The following ADAMTS12 variants were observed in gnomAD, a reference collection of about 807,000 sequenced individuals.
The protein encoded by ADAMTS12 is ADAM metallopeptidase with thrombospondin type 1 motif 12.
In ADAMTS12, 118 loss-of-function variants were observed where a neutral mutation model predicts 167.8. The observed-to-expected ratio is 0.70, with a 90% CI of 0.61 to 0.82. The LOEUF (loss-of-function observed/expected upper bound fraction) is 0.82. Ranked by LOEUF, ADAMTS12 falls within the 40% of genes least tolerant of loss-of-function variation. ADAMTS12 has a pLI of 0.00. For missense variants in ADAMTS12, 1,916 were observed against 1,998.8 expected (o/e 0.96, Z 0.79); for synonymous variants, 704 against 716.9 (o/e 0.98, Z 0.29).
chr5:33,563,871 G>A (rs1745867274), intron 19 of ADAMTS12, among the ~76,000 whole-genome samples: 1 of 152,132 alleles, frequency 6.6e-6, no homozygotes, highest in Non-Finnish European at 1.5e-5. Flanking sequence ...TATCTCCTAA[G>A]TCATATAAGT....
In ADAMTS12 at chr5:33,576,775, G is replaced by GT; in HGVS notation, c.3250dup (p.Thr1084AsnfsTer20). On this transcript the variant is annotated frameshift_variant, in exon 19 of 24. Transcript: ENST00000504830. LOFTEE classifies it high-confidence loss of function. ...GAGGATGGGCTGGGAAGTGCTTCCA[G>GT]TGGAAATGAGATAGCGAGAGCTCAG... The GT allele has an allele frequency of 6.2e-7, 1 of 1,614,222 alleles. No individual in the cohort carries two copies. The highest frequency in any genetic ancestry group is 2.2e-5 in the East Asian group (1 of 44,884).
chr5:33,666,083 G>A (rs1444303971), intron 5 of ADAMTS12, among the ~76,000 whole-genome samples: 1 of 152,198 alleles, frequency 6.6e-6, no homozygotes, highest in East Asian at 1.9e-4. Context: ...GAGCCTCTAA[G>A]CTCAGTCCTG....
At chr5:33,645,144 T>TTTATTATTATTA (rs145012036) in intron 9 of ADAMTS12, among the ~76,000 whole-genome samples, 7 of 146,036 alleles carry the variant, frequency 4.8e-5, no homozygotes, top group Admixed American at 2.1e-4. Flanking sequence ...AAATGCTTTA[T>TTTATTATTATTA]TTATTATTAT....
At chr5:33,867,427 T>G (rs917872544) in intron 2 of ADAMTS12, among the ~76,000 whole-genome samples, 1 of 152,222 alleles carries the variant, frequency 6.6e-6, no homozygotes, top group Non-Finnish European at 1.5e-5. Context: ...CAAAGGCATA[T>G]GGAGTGGTAT....
intron 3 of ADAMTS12, among the ~76,000 whole-genome samples, chr5:33,687,555 C>A (rs1344005473): frequency 6.6e-6 from 1 of 152,188 alleles, no homozygotes; most frequent in African/African-American, 2.4e-5. Context: ...TATGCAAAAA[C>A]CAATCTACTT....
chr5:33,726,069 C>A (rs1743970570), intron 3 of ADAMTS12, among the ~76,000 whole-genome samples: 1 of 152,188 alleles, frequency 6.6e-6, no homozygotes, highest in Non-Finnish European at 1.5e-5. Flanking sequence ...CAGGGCCAGG[C>A]CAAGAATCCA....
At chr5:33,794,830 G>GT (rs960531893) in intron 2 of ADAMTS12, among the ~76,000 whole-genome samples, 1 of 152,182 alleles carries the variant, frequency 6.6e-6, no homozygotes, top group Non-Finnish European at 1.5e-5. Context: ...TAGGAAAGTG[G>GT]TATGATCTCC....
At chr5:33,839,892 C>A (rs1181740860) in intron 2 of ADAMTS12, among the ~76,000 whole-genome samples, 1 of 152,204 alleles carries the variant, frequency 6.6e-6, no homozygotes, top group African/African-American at 2.4e-5. Context: ...GACAGTTCTT[C>A]TGTGTTTTAC....
intron 2 of ADAMTS12, among the ~76,000 whole-genome samples, chr5:33,810,479 C>G (rs717765): frequency 6.6e-6 from 1 of 151,912 alleles, no homozygotes; most frequent in African/African-American, 2.4e-5. Flanking sequence ...CCCCCACATA[C>G]GCTATTTATC....
chr5:33,555,266 A>T (rs1745438367), intron 20 of ADAMTS12, among the ~76,000 whole-genome samples: 1 of 151,814 alleles, frequency 6.6e-6, no homozygotes, highest in Admixed American at 6.6e-5. Flanking sequence ...TTTTTTTAAG[A>T]TGGGGTCTCA....
At chr5:33,603,875 C>G (rs1203164697) in intron 16 of ADAMTS12, 1 of 151,920 alleles carries the variant, frequency 6.6e-6, no homozygotes. Context: ...AATAAGGCAC[C>G]ACACTCAAAT....
intron 2 of ADAMTS12, among the ~76,000 whole-genome samples, chr5:33,859,754 G>T (rs1176128891): frequency 6.6e-6 from 1 of 152,158 alleles, no homozygotes; most frequent in African/African-American, 2.4e-5. Flanking sequence ...ACCTCATACA[G>T]CAGAGCTCCA....
intron 12 of ADAMTS12, among the ~76,000 whole-genome samples, chr5:33,631,593 G>T (rs1283211084): frequency 6.6e-6 from 1 of 152,098 alleles, no homozygotes; most frequent in Non-Finnish European, 1.5e-5. Context: ...TGAAGATAGG[G>T]TGATCTAGAG....
chr5:33,784,767 C>T (rs1746269159), intron 2 of ADAMTS12, among the ~76,000 whole-genome samples: 1 of 151,862 alleles, frequency 6.6e-6, no homozygotes, highest in South Asian at 2.1e-4. Context: ...TCAAATTGAT[C>T]TATATATTCT....
At chr5:33,815,722 T>C (rs1477202828) in intron 2 of ADAMTS12, among the ~76,000 whole-genome samples, 2 of 152,116 alleles carry the variant, frequency 1.3e-5, no homozygotes, top group East Asian at 3.9e-4. Flanking sequence ...GAGGAGCGCA[T>C]AGTCCTGAAA....
rs144326009 is a variant in ADAMTS12 at position 33,768,072 on chromosome 5, C to G, written c.490-16524G>C. Among the ~76,000 whole-genome samples the G allele has an allele frequency of 6.0e-3, 915 of 152,192 alleles. 8 individuals are homozygous for G. Among genetic ancestry groups the G allele is most frequent in the African/African-American group, 0.021 (882 of 41,514 alleles). On this transcript the variant is annotated intron_variant, in intron 2 of 23. Transcript: ENST00000504830. ...TTTTAAAGCTGTTAAAAAAAATGCC[C>G]TGGGGAGGCAACCATTCAGGCCGAA...
At chr5:33,667,035 C>G (rs900227462) in intron 5 of ADAMTS12, among the ~76,000 whole-genome samples, 1 of 152,146 alleles carries the variant, frequency 6.6e-6, no homozygotes, top group Non-Finnish European at 1.5e-5. Flanking sequence ...CTCCTGTCTA[C>G]TGCTAAGAAG....
intron 9 of ADAMTS12, 122 bp from the exon 10 acceptor site, chr5:33,643,592 T>A: frequency 2.5e-6 from 2 of 813,256 alleles, no homozygotes; most frequent in Non-Finnish European, 4.0e-6. Context: ...TGTTAGTGAC[T>A]AAGAGTGACA....
chr5:33,587,990 A>G (rs1392827379), intron 18 of ADAMTS12, among the ~76,000 whole-genome samples: 1 of 152,236 alleles, frequency 6.6e-6, no homozygotes, highest in East Asian at 1.9e-4. Context: ...AAAGAAAATT[A>G]AAGCCTGAGA....
Sources: gnomAD v4.1 joint callset for allele counts (sites outside exome capture counted in the v4.1 genomes callset) on GRCh38, gnomAD v4.1.1 for gene constraint, MANE v1.5 for transcripts, NCBI Gene and HGNC (gene_info 2026-07-23, HGNC 2026-07-21) for gene names.